Variants in ADRA1B observed in about 807,000 individuals in gnomAD.
The protein encoded by ADRA1B is alpha-1B adrenergic receptor.
A neutral mutation model predicts 17.9 loss-of-function variants in ADRA1B; 17 were observed. That is an observed-to-expected ratio of 0.95 (90% CI 0.65 to 1.42). The LOEUF is 1.42. ADRA1B is among the 40% of genes most tolerant of loss of function. ADRA1B has a pLI of 0.00. For synonymous variants in ADRA1B, 366 were observed against 327.6 expected, an observed-to-expected ratio of 1.12 and a Z score of -1.27; for missense variants, 681 against 722.1, an observed-to-expected ratio of 0.94 and a Z score of 0.65.
intron 1 of ADRA1B, 93 bp downstream of exon 1, chr5:159,917,947 C>T (rs1402041669): frequency 9.5e-7 from 1 of 1,051,610 alleles, no homozygotes; most frequent in Non-Finnish European, 1.4e-6. Flanking sequence ...GGTTTTGTTT[C>T]TTATGCAGTC....
At chr5:159,952,463 T>C (rs1486561702) in intron 1 of ADRA1B, among the ~76,000 whole-genome samples, 2 of 152,210 alleles carry the variant, frequency 1.3e-5, no homozygotes, top group Non-Finnish European at 2.9e-5. Context: ...ATGGCGAAAC[T>C]GTGGATATGG....
chr5:159,915,084 T>C (rs1235762626), upstream of ADRA1B, among the ~76,000 whole-genome samples: 8 of 152,224 alleles, frequency 5.3e-5, no homozygotes, highest in Admixed American at 5.2e-4. Context: ...TGGGAGTCCC[T>C]GCCCAGCACC....
chr5:159,915,621 C>T (rs1754282789), upstream of ADRA1B, among the ~76,000 whole-genome samples: 2 of 152,156 alleles, frequency 1.3e-5, no homozygotes. Context: ...CCCTCACCCC[C>T]ACTCCCAGAT....
At chr5:159,931,021 T>C (rs1045940783) in intron 1 of ADRA1B, among the ~76,000 whole-genome samples, 2 of 147,280 alleles carry the variant, frequency 1.4e-5, no homozygotes, top group Non-Finnish European at 3.0e-5. Flanking sequence ...ATTATATATA[T>C]TTAATAATAT....
At chr5:159,890,263 C>T (rs1362182811) in intron 1 of ADRA1B, among the ~76,000 whole-genome samples, 2 of 152,184 alleles carry the variant, frequency 1.3e-5, no homozygotes, top group Admixed American at 6.5e-5. Flanking sequence ...CTGATCTCTA[C>T]ATCCTTGCAA....
intron 1 of ADRA1B, among the ~76,000 whole-genome samples, chr5:159,939,898 C>T (rs1561601051): frequency 6.6e-6 from 1 of 152,194 alleles, no homozygotes; most frequent in East Asian, 1.9e-4. Context: ...CCATCTTCCA[C>T]GATTCCCCAG....
upstream of ADRA1B, among the ~76,000 whole-genome samples, chr5:159,912,010 T>C (rs1400741485): frequency 6.6e-6 from 1 of 152,182 alleles, no homozygotes; most frequent in East Asian, 1.9e-4. Flanking sequence ...TCAATAATAA[T>C]AGTACCTACC....
Position 159,972,108 on chromosome 5 carries a change from C to T in ADRA1B, c.1179C>T (p.Arg393=), listed in dbSNP as rs1313753377. 3.1e-6 allele frequency: 4 copies of T among 1,298,348 alleles called. No homozygotes were observed. The highest frequency in any genetic ancestry group is 3.9e-6 in the Non-Finnish European group (4 of 1,016,634). 80.4% of individuals were successfully genotyped at this position (1,298,348 alleles called of 1,614,324 possible). ...CCTACACCTACCGGCCGTGGACGCG[C>T]GGCGGCTCGCTGGAGCGCTCGCAGT... The part of the protein sequence containing the change: ...GCAYTYRPWT[R]GGSLERSQSR... The change falls in exon 2 of 2, where the codon CGC becomes CGT. Residue 393 remains arginine (R), a synonymous_variant. Transcript: ENST00000306675.
chr5:159,988,034 C>A, the ADRA1B span, among the ~76,000 whole-genome samples: 1 of 152,076 alleles, frequency 6.6e-6, no homozygotes. Flanking sequence ...AGTTAAGGAT[C>A]GTGAGATGGG....
chr5:159,970,666 G>A (rs767008718), intron 1 of ADRA1B, among the ~76,000 whole-genome samples: 1 of 152,192 alleles, frequency 6.6e-6, no homozygotes, highest in African/African-American at 2.4e-5. Context: ...TCTCCAGGAT[G>A]TGTGTACAGC....
chr5:159,948,000 C>T, intron 1 of ADRA1B: 1 of 985,444 alleles, frequency 1.0e-6, no homozygotes, highest in Non-Finnish European at 1.2e-6. Context: ...TGATCAATTA[C>T]ATTGCTGCTG....
At chr5:159,900,646 G>C (rs772908475) in intron 1 of ADRA1B, among the ~76,000 whole-genome samples, 11 of 152,226 alleles carry the variant, frequency 7.2e-5, no homozygotes, top group Non-Finnish European at 1.5e-4. Context: ...CTGAGGGAGA[G>C]AGAGAGTCAG....
intron 1 of ADRA1B, among the ~76,000 whole-genome samples, chr5:159,877,155 C>A (rs995688798): frequency 9.9e-5 from 15 of 152,154 alleles, no homozygotes; most frequent in African/African-American, 3.1e-4. Context: ...GTTGCCTGCC[C>A]CTTTTCGCCT....
chr5:159,951,655 C>G (rs746538800), intron 1 of ADRA1B, among the ~76,000 whole-genome samples: 1 of 152,060 alleles, frequency 6.6e-6, no homozygotes, highest in African/African-American at 2.4e-5. Context: ...CTCCTCGGGC[C>G]GGAACCTGAG....
chr5:159,917,753 T>C lies in ADRA1B; in HGVS notation c.848T>C (p.Leu283Pro). 1 of 1,614,106 alleles carries C rather than the reference T, an allele frequency of 6.2e-7. No individual in the cohort carries two copies. Among genetic ancestry groups the C allele is most frequent in the Non-Finnish European group, 8.5e-7 (1 of 1,180,034 alleles). ...HNPRSSIAVK[L>P]FKFSREKKAA... is the part of the protein sequence containing the mutation. ...CCCAGGAGTTCCATAGCTGTCAAAC[T>C]TTTTAAGTTCTCCAGGGAAAAGAAA... Residue 283 changes from leucine to proline, a missense_variant, in exon 1 of 2, where the codon CTT (leucine) becomes CCT (proline). Leu to Pro is a moderately conservative substitution (Grantham distance 98). This residue lies in a region of ADRA1B where 424 missense variants were observed against 480.2 expected (regional missense o/e 0.88). Transcript: ENST00000306675.
Position 159,972,457 on chromosome 5 carries a change from A to G in ADRA1B, c.1528A>G (p.Lys510Glu). 1.3e-6 allele frequency: 2 copies of G among 1,486,714 alleles called. No individual in the cohort carries two copies. Among genetic ancestry groups the G allele is most frequent in the Non-Finnish European group, 1.8e-6 (2 of 1,121,882 alleles). The allele number at this position is 1,486,714 out of a possible 1,614,324, so 92.1% of individuals were successfully genotyped here. A position where few individuals can be genotyped will look rare whatever the true frequency, so the allele number is the denominator to read the frequency against. The change falls in exon 2 of 2, where the codon AAA becomes GAA. Residue 510 changes from lysine (K) to glutamate (E), a missense_variant. Lys to Glu is a moderately conservative substitution (Grantham distance 56). Transcript: ENST00000306675. ...ADVANGQPGFKSNMPLAPGQF is the reference protein window; with the variant it reads ...ADVANGQPGFESNMPLAPGQF ...CGTGGCCAACGGGCAGCCGGGCTTCAAAAGCAACATGCCCCTGGCGCCCGG... is the reference window on the plus strand; with the variant it reads ...CGTGGCCAACGGGCAGCCGGGCTTCGAAAGCAACATGCCCCTGGCGCCCGG...
upstream of ADRA1B, among the ~76,000 whole-genome samples, chr5:159,913,482 C>G (rs535095811): frequency 1.3e-5 from 2 of 152,190 alleles, no homozygotes; most frequent in South Asian, 4.1e-4. Flanking sequence ...TTTGCCTTCA[C>G]GAAACACACT....
intron 1 of ADRA1B, among the ~76,000 whole-genome samples, chr5:159,906,124 G>A (rs1004755125): frequency 6.6e-5 from 10 of 152,110 alleles, no homozygotes; most frequent in Non-Finnish European, 1.3e-4. Context: ...CAAAGTGCTG[G>A]GATTACAGGG....
At chr5:159,892,277 T>G (rs185260503) in intron 1 of ADRA1B, among the ~76,000 whole-genome samples, 1 of 152,346 alleles carries the variant, frequency 6.6e-6, no homozygotes, top group Non-Finnish European at 1.5e-5. Flanking sequence ...TCTTGGTTTG[T>G]GCCAGTCACT....
Sources: allele counts gnomAD v4.1 joint callset (sites outside exome capture counted in the v4.1 genomes callset), GRCh38; gene constraint gnomAD v4.1.1; regional missense constraint gnomAD v4.1.1; transcripts MANE v1.5; gene names NCBI Gene and HGNC (gene_info 2026-07-23, HGNC 2026-07-21).